ENOX1: variants seen among roughly 807,000 people sequenced by gnomAD.
ENOX1 encodes the protein candidate growth-related and time keeping constitutive hydroquinone (NADH) oxidase.
Under a neutral mutation model 82.5 loss-of-function variants are expected in ENOX1, and 42 were observed. That is an observed-to-expected ratio of 0.51 (90% CI 0.40 to 0.66). ENOX1 has a LOEUF of 0.66. ENOX1 is among the 30% of genes least tolerant of loss of function. The pLI, the probability that ENOX1 is intolerant of heterozygous loss-of-function variation, is 0.00. For missense variants in ENOX1, 608 were observed against 811.6 expected (o/e 0.75, Z 3.05); for synonymous variants, 271 against 282.2 (o/e 0.96, Z 0.40).
chr13:43,453,494 T>C (rs1162284628), intron 3 of ENOX1, among the ~76,000 whole-genome samples: 1 of 152,196 alleles, frequency 6.6e-6, no homozygotes, highest in African/African-American at 2.4e-5. Flanking sequence ...GAAGATTAAT[T>C]TGCCCATTTG....
At chr13:43,385,960 G>GT (rs1179554912) in intron 5 of ENOX1, among the ~76,000 whole-genome samples, 3 of 152,170 alleles carry the variant, frequency 2.0e-5, no homozygotes, top group African/African-American at 7.2e-5. Flanking sequence ...GAGGTCAGGA[G>GT]TTTGAGACGA....
intron 2 of ENOX1, among the ~76,000 whole-genome samples, chr13:43,619,630 A>C (rs192979949): frequency 2.6e-3 from 390 of 151,912 alleles, no homozygotes; most frequent in African/African-American, 7.7e-3. Flanking sequence ...TATCTTTTCG[A>C]TATGTTGTTG....
chr13:43,781,181 A>G (rs775002803), intron 1 of ENOX1, among the ~76,000 whole-genome samples: 1 of 152,200 alleles, frequency 6.6e-6, no homozygotes, highest in Non-Finnish European at 1.5e-5. Flanking sequence ...AACAATTAGA[A>G]ATTACAGTAA....
At chr13:43,308,498 G>A (rs1273789805) in intron 11 of ENOX1, among the ~76,000 whole-genome samples, 1 of 152,154 alleles carries the variant, frequency 6.6e-6, no homozygotes, top group African/African-American at 2.4e-5. Flanking sequence ...TCATTAAAAT[G>A]ATTTGTTTTG....
chr13:43,611,302 T>C (rs1002893181), intron 2 of ENOX1, among the ~76,000 whole-genome samples: 11 of 152,158 alleles, frequency 7.2e-5, no homozygotes, highest in Non-Finnish European at 1.2e-4. Flanking sequence ...TACAATAGTA[T>C]AAAGAACAAT....
At chr13:43,318,499 G>C (rs1404352572) in intron 11 of ENOX1, among the ~76,000 whole-genome samples, 1 of 152,204 alleles carries the variant, frequency 6.6e-6, no homozygotes, top group African/African-American at 2.4e-5. Context: ...GCCATGGCCT[G>C]TTCGCCATGT....
At chr13:43,544,998 T>C (rs2078912258) in intron 2 of ENOX1, 1 of 152,224 alleles carries the variant, frequency 6.6e-6, no homozygotes, top group Non-Finnish European at 1.5e-5. Context: ...CTTCCTTTCT[T>C]CTGCTCCCAT....
chr13:43,249,679 G>A (rs2043340784), intron 14 of ENOX1, among the ~76,000 whole-genome samples: 1 of 152,048 alleles, frequency 6.6e-6, no homozygotes, highest in Admixed American at 6.5e-5. Flanking sequence ...AAAATTTAGA[G>A]GGTTTTTTGA....
rs548247674 is a variant in ENOX1 at position 43,477,025 on chromosome 13, T to C, written c.-75+6984A>G. ...CCACTATGAATGAAACAGATCTCCA[T>C]ATATTAAGAGAGAGATTCTAAAAAA... On this transcript the variant is annotated intron_variant, in intron 3 of 16. Coordinates refer to ENST00000690772, the MANE Select transcript of ENOX1 (RefSeq NM_001347969.2). Among the ~76,000 whole-genome samples, 11 of 147,708 alleles carry C rather than the reference T, an allele frequency of 7.4e-5. No homozygotes were observed. In the East Asian group the frequency reaches 2.0e-3, roughly 27 times the overall value.
chr13:43,615,365 AATGT>A (rs1016807036), intron 2 of ENOX1, among the ~76,000 whole-genome samples: 44 of 152,258 alleles, frequency 2.9e-4, no homozygotes, highest in African/African-American at 9.9e-4. Flanking sequence ...AAGTAAACAA[AATGT>A]ATGTGTGTCG....
chr13:43,431,251 A>G (rs754956393), intron 3 of ENOX1, among the ~76,000 whole-genome samples: 2 of 152,072 alleles, frequency 1.3e-5, no homozygotes, highest in Non-Finnish European at 2.9e-5. Context: ...TCATTTCCTA[A>G]AGCTGCTTCT....
intron 2 of ENOX1, among the ~76,000 whole-genome samples, chr13:43,620,690 C>T (rs1359300081): frequency 1.3e-5 from 2 of 152,080 alleles, no homozygotes; most frequent in Admixed American, 1.3e-4. Context: ...GAAGAAAGTT[C>T]CATGCACTGT....
chr13:43,326,363 T>A, intron 10 of ENOX1, 56 bp downstream of exon 10: 1 of 1,478,044 alleles, frequency 6.8e-7, no homozygotes, highest in Non-Finnish European at 9.5e-7. Context: ...GCCATGCTAT[T>A]CTCTGCCAAT....
chr13:43,295,190 C>T (rs540671462), intron 12 of ENOX1, among the ~76,000 whole-genome samples: 22 of 152,314 alleles, frequency 1.4e-4, no homozygotes, highest in Admixed American at 6.5e-4. Context: ...ATAGTCTTTA[C>T]TTGTACACCT....
chr13:43,319,208 GT>G (rs2047676346), intron 11 of ENOX1, among the ~76,000 whole-genome samples: 1 of 152,090 alleles, frequency 6.6e-6, no homozygotes, highest in African/African-American at 2.4e-5. Context: ...CAATAAATCT[GT>G]CATTATTTTT....
intron 11 of ENOX1, among the ~76,000 whole-genome samples, chr13:43,301,301 C>T (rs756433795): frequency 2.0e-5 from 3 of 152,138 alleles, no homozygotes; most frequent in Non-Finnish European, 4.4e-5. Flanking sequence ...GCAAGATATG[C>T]TGAAATCTGT....
intron 2 of ENOX1, among the ~76,000 whole-genome samples, chr13:43,500,201 C>A (rs1266213543): frequency 6.6e-6 from 1 of 152,020 alleles, no homozygotes; most frequent in Admixed American, 6.6e-5. Flanking sequence ...GAAATAATGG[C>A]TGAACTTTTT....
At chr13:43,752,600 G>A (rs1416058126) in intron 1 of ENOX1, among the ~76,000 whole-genome samples, 1 of 152,062 alleles carries the variant, frequency 6.6e-6, no homozygotes, top group African/African-American at 2.4e-5. Context: ...TGGATATCTT[G>A]TTTTGACACT....
intron 7 of ENOX1, among the ~76,000 whole-genome samples, chr13:43,359,514 G>A (rs1182950066): frequency 2.6e-5 from 4 of 152,188 alleles, no homozygotes; most frequent in Non-Finnish European, 4.4e-5. Flanking sequence ...ATTATTCTGA[G>A]AGAGTACTTT....
Sources: allele counts gnomAD v4.1 joint callset (sites outside exome capture counted in the v4.1 genomes callset), GRCh38; gene constraint gnomAD v4.1.1; transcripts MANE v1.5; gene names NCBI Gene and HGNC (gene_info 2026-07-23, HGNC 2026-07-21).